The following PRKCE variants were observed in gnomAD, a reference collection of about 807,000 sequenced individuals.
The protein encoded by PRKCE is protein kinase C epsilon.
In PRKCE, 16 loss-of-function variants were observed where a neutral mutation model predicts 85.4. That is an observed-to-expected ratio of 0.19 (90% CI 0.13 to 0.28). The LOEUF (loss-of-function observed/expected upper bound fraction) is 0.28. PRKCE is among the 10% of genes least tolerant of loss of function. PRKCE has a pLI of 1.00. For missense variants in PRKCE, 573 were observed against 975.2 expected, an observed-to-expected ratio of 0.59 and a Z score of 5.49; for synonymous variants, 388 against 371.5, an observed-to-expected ratio of 1.04 and a Z score of -0.51.
chr2:45,865,324 C>T (rs1237747069), intron 2 of PRKCE, among the ~76,000 whole-genome samples: 1 of 152,110 alleles, frequency 6.6e-6, no homozygotes, highest in African/African-American at 2.4e-5. Context: ...AAAAAAGAGT[C>T]ATACCCCCAA....
intron 10 of PRKCE, among the ~76,000 whole-genome samples, chr2:46,062,759 C>T (rs144184335): frequency 1.0e-4 from 15 of 148,700 alleles, no homozygotes; most frequent in African/African-American, 3.8e-4. Flanking sequence ...CTGCAACCTC[C>T]GCCTCCGGGG....
chr2:45,795,370 G>A (rs1022881321), intron 1 of PRKCE, among the ~76,000 whole-genome samples: 22 of 152,098 alleles, frequency 1.4e-4, no homozygotes, highest in South Asian at 6.2e-4. Context: ...GTGCAGTGGC[G>A]TGATCTCAGC....
chr2:46,131,300 T>C (rs574270093), intron 11 of PRKCE, among the ~76,000 whole-genome samples: 1 of 152,268 alleles, frequency 6.6e-6, no homozygotes, highest in East Asian at 1.9e-4. Flanking sequence ...ATTTGAGAAG[T>C]GGTCTTGAAG....
chr2:46,178,886 G>A (rs1202851679), intron 14 of PRKCE, among the ~76,000 whole-genome samples: 1 of 152,164 alleles, frequency 6.6e-6, no homozygotes, highest in East Asian at 1.9e-4. Context: ...TCCAGACAGT[G>A]CCATAGGAGC....
At chr2:45,980,019 G>A (rs1343208844) in intron 4 of PRKCE, among the ~76,000 whole-genome samples, 1 of 152,138 alleles carries the variant, frequency 6.6e-6, no homozygotes, top group South Asian at 2.1e-4. Flanking sequence ...ATTGAAGTGA[G>A]AAAATTGATC....
At chr2:45,874,635 G>T (rs62127247) in intron 2 of PRKCE, among the ~76,000 whole-genome samples, 46,508 of 152,102 alleles carry the variant, frequency 0.31, 8,145 homozygotes, top group East Asian at 0.55. Context: ...CAGCTCAGGT[G>T]CACCACCTGT....
At chr2:45,897,372 G>A (rs1174510608) in intron 2 of PRKCE, among the ~76,000 whole-genome samples, 1 of 152,178 alleles carries the variant, frequency 6.6e-6, no homozygotes, top group East Asian at 1.9e-4. Context: ...GTGAGAGACG[G>A]CATCATTGCG....
chr2:45,761,987 T>C (rs1194446915), intron 1 of PRKCE, among the ~76,000 whole-genome samples: 2 of 152,184 alleles, frequency 1.3e-5, no homozygotes, highest in Non-Finnish European at 2.9e-5. Flanking sequence ...AGATCAGGCA[T>C]TGATGAGGGG....
chr2:45,671,161 G>A (rs576936745), intron 1 of PRKCE, among the ~76,000 whole-genome samples: 2 of 152,264 alleles, frequency 1.3e-5, no homozygotes, highest in South Asian at 2.1e-4. Flanking sequence ...CTGCACAATG[G>A]GGATACATTT....
chr2:45,682,988 C>G (rs1056396393), intron 1 of PRKCE, among the ~76,000 whole-genome samples: 2 of 152,096 alleles, frequency 1.3e-5, no homozygotes, highest in African/African-American at 4.8e-5. Context: ...CCTCAGTTCT[C>G]TTTACGAAAA....
chr2:46,104,997 A>G lies in PRKCE; in HGVS notation c.1592+18635A>G, dbSNP rs374908281. 8.0e-5 allele frequency among the ~76,000 whole-genome samples: 12 copies of G among 150,128 alleles called. 1 individual carries two copies. In the South Asian group the frequency reaches 2.3e-3, roughly 29 times the overall value. On this transcript the variant is annotated intron_variant, in intron 11 of 14. Coordinates refer to ENST00000306156, the MANE Select transcript of PRKCE (RefSeq NM_005400.3). ...GCTTGGTTCTCTTCCTTACTAATAA[A>G]TGTCCTCTGTGACATCTTCCTTTTT...
chr2:46,170,540 T>A (rs1378839727), intron 14 of PRKCE, among the ~76,000 whole-genome samples: 2 of 152,242 alleles, frequency 1.3e-5, no homozygotes, highest in Non-Finnish European at 2.9e-5. Flanking sequence ...TTAGAACAAT[T>A]CCTGGCACAT....
intron 10 of PRKCE, among the ~76,000 whole-genome samples, chr2:46,079,277 A>C (rs1482477754): frequency 6.6e-6 from 1 of 152,074 alleles, no homozygotes; most frequent in African/African-American, 2.4e-5. Flanking sequence ...ATTATTCTCT[A>C]GGGGGTGCTA....
At position 45,718,133 on chromosome 2, in the gene PRKCE, G is replaced by A. The variant is rs558684493; in HGVS notation, c.348+65685G>A. 4.3e-4 allele frequency among the ~76,000 whole-genome samples: 66 copies of A among 152,196 alleles called. 1 individual carries two copies. The highest frequency in any genetic ancestry group is 9.8e-4 in the Admixed American group (15 of 15,278). ...TTTTCATTGGAGGAGGCTGTCTTAC[G>A]CATTTTAGGGTGTTTAGTTGCTTCC... On this transcript the variant is annotated intron_variant, in intron 1 of 14. Transcript: ENST00000306156.
chr2:45,913,373 C>A (rs1380263874), intron 2 of PRKCE, among the ~76,000 whole-genome samples: 2 of 152,226 alleles, frequency 1.3e-5, no homozygotes, highest in Non-Finnish European at 2.9e-5. Context: ...TGGTCTTGAA[C>A]TCCTGGGCTC....
chr2:45,726,436 C>G (rs549787974), intron 1 of PRKCE, among the ~76,000 whole-genome samples: 1 of 152,102 alleles, frequency 6.6e-6, no homozygotes, highest in Non-Finnish European at 1.5e-5. Flanking sequence ...CTGTCAACAT[C>G]GAGGCACGAT....
chr2:46,033,731 G>A (rs1420668400), intron 10 of PRKCE, among the ~76,000 whole-genome samples: 1 of 152,188 alleles, frequency 6.6e-6, no homozygotes, highest in African/African-American at 2.4e-5. Flanking sequence ...TATGAAATGA[G>A]GTAAGCAGTG....
At chr2:46,009,008 A>G (rs1037885962) in intron 9 of PRKCE, among the ~76,000 whole-genome samples, 2 of 152,268 alleles carry the variant, frequency 1.3e-5, no homozygotes, top group African/African-American at 4.8e-5. Context: ...GCTGCTTTTT[A>G]GCTTTGATGA....
Position 45,980,511 on chromosome 2 carries a change from C to T in PRKCE, c.693+130C>T. The T allele has an allele frequency of 8.2e-6, 7 of 851,026 alleles. 1 individual carries two copies. The highest frequency in any genetic ancestry group is 7.4e-6 in the Non-Finnish European group (4 of 543,058). 52.7% of individuals were successfully genotyped at this position (851,026 alleles called of 1,614,324 possible). On this transcript the variant is annotated intron_variant, in intron 5 of 14. Coordinates refer to ENST00000306156, the MANE Select transcript of PRKCE (RefSeq NM_005400.3). Reference sequence around the variant, plus strand: ...TCATTTCATTGTGTTGATAAAAAAACAAAGGGAGCTGTCCACGGTCTTCTG... The same window carrying T: ...TCATTTCATTGTGTTGATAAAAAAATAAAGGGAGCTGTCCACGGTCTTCTG...
Sources: gnomAD v4.1 joint callset for allele counts (sites outside exome capture counted in the v4.1 genomes callset) on GRCh38, gnomAD v4.1.1 for gene constraint, MANE v1.5 for transcripts, NCBI Gene and HGNC (gene_info 2026-07-23, HGNC 2026-07-21) for gene names.